Variants in PCDH15 observed in about 807,000 individuals in gnomAD.
PCDH15 encodes protocadherin-15.
In PCDH15, 129 loss-of-function variants were observed where a neutral mutation model predicts 178.5. The ratio of observed to expected loss-of-function variants is 0.72; its 90% CI spans 0.63 to 0.84. The LOEUF (loss-of-function observed/expected upper bound fraction) is 0.84. Ranked by LOEUF, PCDH15 falls within the 40% of genes least tolerant of loss-of-function variation. The pLI is 0.00. For missense variants in PCDH15, 2,230 were observed against 2,099.9 expected (o/e 1.06, Z -1.21); for synonymous variants, 800 against 732.0 (o/e 1.09, Z -1.50).
In PCDH15 at chr10:53,825,264, G is replaced by A. The variant is rs141921990; in HGVS notation, c.4367+2129C>T. 55 of 1,149,028 alleles carry A rather than the reference G, an allele frequency of 4.8e-5. No individual in the cohort carries two copies. The East Asian group carries it at 6.4e-4, about 13-fold the overall frequency. The allele number at this position is 1,149,028 out of a possible 1,614,324, so 71.2% of individuals were successfully genotyped here. On this transcript the variant is annotated intron_variant, in intron 32 of 37. Transcript: ENST00000644397. Reference sequence around the variant, plus strand: ...CTTGCTTTAAACAAACACTTAGTACGTATATCAAAAAAAAGGCATGTTTTT... The same window carrying A: ...CTTGCTTTAAACAAACACTTAGTACATATATCAAAAAAAAGGCATGTTTTT...
chr10:54,542,850 T>C (rs764199349), intron 2 of PCDH15, among the ~76,000 whole-genome samples: 5 of 152,152 alleles, frequency 3.3e-5, no homozygotes, highest in Non-Finnish European at 5.9e-5. Context: ...ATGTTGCATT[T>C]TCCAAGACCA....
At chr10:55,298,160 C>T (rs1471237527) in intron 1 of PCDH15, among the ~76,000 whole-genome samples, 1 of 152,128 alleles carries the variant, frequency 6.6e-6, no homozygotes, top group Non-Finnish European at 1.5e-5. Flanking sequence ...CCTTTAATAT[C>T]CATGAACAAG....
chr10:54,768,070 C>G (rs1336321654), intron 1 of PCDH15, among the ~76,000 whole-genome samples: 1 of 152,042 alleles, frequency 6.6e-6, no homozygotes, highest in African/African-American at 2.4e-5. Flanking sequence ...TCTGTACAAT[C>G]TCCTCTATTT....
intron 2 of PCDH15, among the ~76,000 whole-genome samples, chr10:55,616,195 T>C (rs2222477): frequency 0.012 from 1,887 of 152,244 alleles, 41 homozygotes; most frequent in African/African-American, 0.042. Flanking sequence ...GTTACAAGTA[T>C]TGACAGAAAA....
At chr10:55,535,875 T>C (rs912261251) in intron 2 of PCDH15, among the ~76,000 whole-genome samples, 2 of 152,186 alleles carry the variant, frequency 1.3e-5, no homozygotes, top group South Asian at 2.1e-4. Flanking sequence ...AAAAAGGTGA[T>C]ATTAAAATTC....
intron 13 of PCDH15, among the ~76,000 whole-genome samples, chr10:54,153,649 A>G (rs1214507370): frequency 2.6e-5 from 4 of 152,316 alleles, no homozygotes; most frequent in East Asian, 1.9e-4. Flanking sequence ...CTTGCCTTGC[A>G]TTCTTGACAC....
chr10:54,938,286 G>A (rs931416911), intron 2 of PCDH15, among the ~76,000 whole-genome samples: 1 of 137,504 alleles, frequency 7.3e-6, no homozygotes, highest in Admixed American at 7.8e-5. Flanking sequence ...GTAATATTTC[G>A]GTTTAGCATA....
chr10:54,699,219 G>T (rs1007265960), intron 1 of PCDH15, among the ~76,000 whole-genome samples: 5 of 152,014 alleles, frequency 3.3e-5, no homozygotes, highest in Non-Finnish European at 5.9e-5. Flanking sequence ...TTTGAAAGGT[G>T]AGAATTTTGT....
chr10:54,564,612 A>C (rs2088723427), intron 2 of PCDH15, among the ~76,000 whole-genome samples: 1 of 152,150 alleles, frequency 6.6e-6, no homozygotes, highest in Non-Finnish European at 1.5e-5. Flanking sequence ...GGTGTGAATT[A>C]GGTGGCAAAT....
chr10:53,973,118 AG>A (rs2089886275), intron 21 of PCDH15, among the ~76,000 whole-genome samples: 2 of 152,240 alleles, frequency 1.3e-5, no homozygotes, highest in South Asian at 4.2e-4. Flanking sequence ...GCCATAAAAA[AG>A]GATGAGCTCA....
chr10:55,165,965 T>C (rs1403391068), intron 2 of PCDH15, among the ~76,000 whole-genome samples: 3 of 152,126 alleles, frequency 2.0e-5, no homozygotes, highest in African/African-American at 7.2e-5. Context: ...TAAAATACAA[T>C]TCTCCTAACT....
chr10:53,917,005 G>T (rs2083583266), intron 25 of PCDH15, among the ~76,000 whole-genome samples: 2 of 151,950 alleles, frequency 1.3e-5, no homozygotes, highest in African/African-American at 4.8e-5. Flanking sequence ...AAAGAAAATG[G>T]TTTTTATATG....
intron 2 of PCDH15, among the ~76,000 whole-genome samples, chr10:55,122,735 T>C (rs1281771190): frequency 6.6e-6 from 1 of 152,046 alleles, no homozygotes; most frequent in Non-Finnish European, 1.5e-5. Context: ...ACAATAAAAA[T>C]ATTGGTAGCT....
chr10:54,034,569 C>G (rs1377343467), intron 18 of PCDH15, among the ~76,000 whole-genome samples: 1 of 151,810 alleles, frequency 6.6e-6, no homozygotes, highest in African/African-American at 2.4e-5. Flanking sequence ...ATTAGGAAAA[C>G]AGAATTAATT....
At chr10:55,393,105 G>T (rs910438551) in intron 2 of PCDH15, among the ~76,000 whole-genome samples, 7 of 151,726 alleles carry the variant, frequency 4.6e-5, no homozygotes, top group Non-Finnish European at 1.0e-4. Context: ...ACTGTTCTTA[G>T]CATGATCATC....
At chr10:55,624,022 A>AT (rs1277162155) in intron 2 of PCDH15, among the ~76,000 whole-genome samples, 5 of 150,646 alleles carry the variant, frequency 3.3e-5, no homozygotes, top group African/African-American at 1.2e-4. Flanking sequence ...AATTCTTTAT[A>AT]TTTTTTTACA....
At chr10:53,865,024 C>T (rs2079354720) in intron 27 of PCDH15, among the ~76,000 whole-genome samples, 1 of 151,852 alleles carries the variant, frequency 6.6e-6, no homozygotes, top group East Asian at 1.9e-4. Context: ...TTGCTTGAGC[C>T]CAGGATTTTG....
intron 2 of PCDH15, among the ~76,000 whole-genome samples, chr10:55,073,908 T>C (rs1383903227): frequency 1.3e-5 from 2 of 151,784 alleles, no homozygotes; most frequent in Non-Finnish European, 2.9e-5. Context: ...TTCCCCTCCC[T>C]GTGTCCATGT....
chr10:53,842,046 T>C (rs528661501), intron 28 of PCDH15, among the ~76,000 whole-genome samples: 1 of 152,150 alleles, frequency 6.6e-6, no homozygotes, highest in Non-Finnish European at 1.5e-5. Context: ...TTTTTCAGAT[T>C]TTTTTTCCTG....
Sources: gnomAD v4.1 joint callset for allele counts (sites outside exome capture counted in the v4.1 genomes callset) on GRCh38, gnomAD v4.1.1 for gene constraint, MANE v1.5 for transcripts, NCBI Gene and HGNC (gene_info 2026-07-23, HGNC 2026-07-21) for gene names.